Variants in ATN1 observed in about 807,000 individuals in gnomAD.
The protein encoded by ATN1 is atrophin 1.
Under a neutral mutation model 85.8 loss-of-function variants are expected in ATN1, and 19 were observed. The observed-to-expected ratio is 0.22, with a 90% CI of 0.15 to 0.32. The LOEUF (loss-of-function observed/expected upper bound fraction) is 0.32. Among genes scored for constraint, ATN1 ranks in the 10% least tolerant of loss-of-function variants. The pLI is 1.00. For synonymous variants in ATN1, 674 were observed against 657.0 expected (o/e 1.03, Z -0.39); for missense variants, 1,453 against 1,564.5 (o/e 0.93, Z 1.20).
At chr12:6,940,424 C>T (rs1158189081) in intron 7 of ATN1, among the ~76,000 whole-genome samples, 1 of 152,116 alleles carries the variant, frequency 6.6e-6, no homozygotes, top group Non-Finnish European at 1.5e-5. Context: ...TGCCACCCTG[C>T]CTGGCTAATT....
Position 6,938,984 on chromosome 12 carries a change from T to C in ATN1, c.3021T>C (p.Ala1007=). ...AGCGAGAACGTCTAGCGCTGGCAGCTGGGCCAGCCCTGCGGCCTGACATGT... is the reference window on the plus strand; with the variant it reads ...AGCGAGAACGTCTAGCGCTGGCAGCCGGGCCAGCCCTGCGGCCTGACATGT... The part of the protein sequence containing the change: ...PLERERLALA[A]GPALRPDMSY... The change falls in exon 7 of 10, where the codon GCT becomes GCC. Residue 1007 remains alanine, a synonymous_variant. Coordinates refer to ENST00000396684, the MANE Select transcript of ATN1 (RefSeq NM_001940.4). 1 of 1,613,262 alleles carries C rather than the reference T, an allele frequency of 6.2e-7. No homozygotes were observed. The highest frequency in any genetic ancestry group is 8.5e-7 in the Non-Finnish European group (1 of 1,179,982).
At chr12:6,928,414 C>G (rs1042698725) in intron 1 of ATN1, 30 bp downstream of exon 1, 144 of 151,664 alleles carry the variant, frequency 9.5e-4, no homozygotes, top group African/African-American at 3.3e-3. Context: ...GGGCCCCGGG[C>G]CCGCGGGGTT....
In ATN1 at chr12:6,934,343, T is replaced by A. The variant is rs369916951; in HGVS notation, c.165+30T>A. On this transcript the variant is annotated intron_variant, in intron 3 of 9. Transcript: ENST00000396684. The surrounding 1 kb of genome is among the most constrained non-coding windows in gnomAD (Gnocchi z 4.5). ...TCTGTCCTCAGGTCCTCCCACAGGATGCCCAAGGCACTGGGGCTGAGGGTG... is the reference window on the plus strand; with the variant it reads ...TCTGTCCTCAGGTCCTCCCACAGGAAGCCCAAGGCACTGGGGCTGAGGGTG... 6.9e-5 allele frequency: 109 copies of A among 1,571,532 alleles called. No individual in the cohort carries two copies. The highest frequency in any genetic ancestry group is 9.3e-5 in the Non-Finnish European group (108 of 1,162,490).
In ATN1 at chr12:6,938,476, C is replaced by T. The variant is rs1298508689; in HGVS notation, c.2518-5C>T. 3 of 1,599,342 alleles carry T rather than the reference C, an allele frequency of 1.9e-6. No homozygotes were observed. Among genetic ancestry groups the T allele is most frequent in the Non-Finnish European group, 2.6e-6 (3 of 1,168,966 alleles). ...TTTGACTCCACTTTTCCCTGTATCC[C>T]ACAGAAGTTGGCTCAGGAGGGCCGT... On this transcript the variant is annotated splice_polypyrimidine_tract_variant and splice_region_variant and intron_variant, in intron 6 of 9. Coordinates refer to ENST00000396684, the MANE Select transcript of ATN1 (RefSeq NM_001940.4).
chr12:6,936,778 A>G lies in ATN1; in HGVS notation c.1511A>G (p.His504Arg). ...CAGCAGCAGCAGCAGCAGCAGCATC[A>G]CGGAAACTCTGGGCCCCCTCCTCCT... Reference protein sequence around the residue: ...QQQQQQQQQHHGNSGPPPPGA... With the variant: ...QQQQQQQQQHRGNSGPPPPGA... The change falls in exon 5 of 10, where the codon CAC (histidine) becomes CGC (arginine). Residue 504 changes from histidine to arginine, a missense_variant. His to Arg is a conservative substitution (Grantham distance 29). This residue lies in a region of ATN1 where 990 missense variants were observed against 914.8 expected (regional missense o/e 1.08). Transcript: ENST00000396684. 1 of 1,611,574 alleles carries G rather than the reference A, an allele frequency of 6.2e-7. No homozygotes were observed. Among genetic ancestry groups the G allele is most frequent in the Non-Finnish European group, 8.5e-7 (1 of 1,178,778 alleles).
chr12:6,925,141 T>A (rs782720259), upstream of ATN1, among the ~76,000 whole-genome samples: 1,862 of 147,630 alleles, frequency 0.013, 38 homozygotes, highest in African/African-American at 0.04. Flanking sequence ...TGTGTGTGTG[T>A]GAGAGAGAGA....
At chr12:6,926,568 A>G (rs1333611047), upstream of ATN1, among the ~76,000 whole-genome samples, 3 of 150,956 alleles carry the variant, frequency 2.0e-5, no homozygotes, top group Non-Finnish European at 2.9e-5. Flanking sequence ...TTTGCCTCCC[A>G]GGTTCAAGGA....
chr12:6,939,054 G>C lies in ATN1; in HGVS notation c.3091G>C (p.Val1031Leu). 6.2e-7 allele frequency: 1 copy of C among 1,606,340 alleles called. No individual in the cohort carries two copies. ...LAAERQHAER[V>L]AALGNDPLAR... ...AGCTGAGAGGCAGCACGCAGAAAGGGTGGCGGCCCTGGGCAATGACCCACT... is the reference window on the plus strand; with the variant it reads ...AGCTGAGAGGCAGCACGCAGAAAGGCTGGCGGCCCTGGGCAATGACCCACT... Residue 1031 changes from valine (V) to leucine (L), a missense_variant, in exon 7 of 10, where the codon GTG (valine) becomes CTG (leucine). Coordinates refer to ENST00000396684, the MANE Select transcript of ATN1 (RefSeq NM_001940.4).
At chr12:6,927,665 C>A (rs1017618197), upstream of ATN1, among the ~76,000 whole-genome samples, 5 of 151,836 alleles carry the variant, frequency 3.3e-5, no homozygotes, top group Non-Finnish European at 5.9e-5. Flanking sequence ...TCTCTCCCCC[C>A]TCGCGGCTTG....
upstream of ATN1, among the ~76,000 whole-genome samples, chr12:6,927,582 C>T (rs1163859810): frequency 1.3e-5 from 2 of 151,034 alleles, no homozygotes; most frequent in Non-Finnish European, 3.0e-5. Context: ...ACGGCTAGCC[C>T]TCCCCGCGCC....
rs917240723 is a variant in ATN1, at chr12:6,942,163, C to T, written c.*383C>T. ...GCGTAGCATCGTGTGCCACCCCTGC[C>T]CCTCCCCGATCCCTGTGTGCGCGCC... is the stretch of plus-strand genomic sequence containing the variant. On this transcript the variant is annotated 3_prime_UTR_variant, in exon 10 of 10. Transcript: ENST00000396684. 2 of 281,276 alleles carry T rather than the reference C, an allele frequency of 7.1e-6. No homozygotes were observed. Among genetic ancestry groups the T allele is most frequent in the Non-Finnish European group, 1.4e-5 (2 of 144,242 alleles). The allele number at this position is 281,276 out of a possible 1,614,324, so 17.4% of individuals were successfully genotyped here.
rs1404079615 is a variant in ATN1 at position 6,941,170 on chromosome 12, T to C, written c.3358+147T>C. 8.0e-7 allele frequency: 1 copy of C among 1,254,830 alleles called. No individual in the cohort carries two copies. Among genetic ancestry groups the C allele is most frequent in the Non-Finnish European group, 1.1e-6 (1 of 922,314 alleles). 77.7% of individuals were successfully genotyped at this position (1,254,830 alleles called of 1,614,324 possible). A position where few individuals can be genotyped will look rare whatever the true frequency, so the allele number is the denominator to read the frequency against. On this transcript the variant is annotated intron_variant, in intron 8 of 9. Transcript: ENST00000396684. This position sits in a 1 kb window ranked among gnomAD's most constrained non-coding sequence, Gnocchi z 5.9. ...CATGGGAATAGGAGAGCTGGAGCTCTGCCCAAGAGAAGCACGAGTTTTAGT... is the reference window on the plus strand; with the variant it reads ...CATGGGAATAGGAGAGCTGGAGCTCCGCCCAAGAGAAGCACGAGTTTTAGT...
Position 6,937,395 on chromosome 12 carries a change from C to A in ATN1, c.2128C>A (p.Pro710Thr). 6.5e-7 allele frequency: 1 copy of A among 1,548,790 alleles called. No individual in the cohort carries two copies. The change falls in exon 5 of 10, where the codon CCA becomes ACA. Residue 710 changes from proline (P) to threonine (T), a missense_variant. Coordinates refer to ENST00000396684, the MANE Select transcript of ATN1 (RefSeq NM_001940.4). The surrounding 1 kb of genome is among the most constrained non-coding windows in gnomAD (Gnocchi z 6.0). ...AGPSGLPSLP[P>T]PPAAPASGPP... ...GCCCTCAGGCCTGCCATCGCTGCCA[C>A]CACCACCTGCGGCCCCTGCCTCAGG...
rs782639317 is a variant in ATN1 at position 6,938,621 on chromosome 12, C to G, written c.2658C>G (p.Leu886=). ...LGPDTPALRT[L]SEYARPHVMS... ...CTGACACTCCAGCCTTGCGCACTCT[C>G]AGTGAATATGCCCGGCCTCATGTCA... Residue 886 remains leucine (L), a synonymous_variant, in exon 7 of 10, where the codon CTC becomes CTG. Coordinates refer to ENST00000396684, the MANE Select transcript of ATN1 (RefSeq NM_001940.4). 1 of 1,614,222 alleles carries G rather than the reference C, an allele frequency of 6.2e-7. No homozygotes were observed. Among genetic ancestry groups the G allele is most frequent in the Non-Finnish European group, 8.5e-7 (1 of 1,180,036 alleles).
chr12:6,941,510 C>T lies in ATN1; in HGVS notation c.3495C>T (p.His1165=), dbSNP rs782043728. 6.2e-7 allele frequency: 1 copy of T among 1,612,756 alleles called. No homozygotes were observed. Among genetic ancestry groups the T allele is most frequent in the East Asian group, 2.2e-5 (1 of 44,886 alleles). The change falls in exon 9 of 10, where the codon CAC becomes CAT. Residue 1165 remains histidine, a synonymous_variant. Transcript: ENST00000396684. The surrounding 1 kb of genome is among the most constrained non-coding windows in gnomAD (Gnocchi z 5.9). ...AGCAGCAGTGGCTGCATGCCCATCA[C>T]CCGCTGCACAGTGTGCCGCTGCCTG... ...LEQQQWLHAH[H]PLHSVPLPAQ... is the part of the protein sequence containing the mutation.
rs1945628873 is a variant in ATN1 at position 6,941,098 on chromosome 12, C to T, written c.3358+75C>T. Reference sequence around the variant, plus strand: ...GGAGGTATTTGGGTGGGGGGATGGGCCTAGTTGGGCTTGGGGAGGGATGAG... The same window carrying T: ...GGAGGTATTTGGGTGGGGGGATGGGTCTAGTTGGGCTTGGGGAGGGATGAG... On this transcript the variant is annotated intron_variant, in intron 8 of 9. Transcript: ENST00000396684. The surrounding 1 kb of genome is among the most constrained non-coding windows in gnomAD (Gnocchi z 5.9). 12 of 1,557,094 alleles carry T rather than the reference C, an allele frequency of 7.7e-6. No individual in the cohort carries two copies. In the South Asian group the frequency reaches 1.4e-4, roughly 18 times the overall value.
Position 6,937,684 on chromosome 12 carries a change from T to C in ATN1, c.2294+123T>C. On this transcript the variant is annotated intron_variant, in intron 5 of 9. Transcript: ENST00000396684. The surrounding 1 kb of genome is among the most constrained non-coding windows in gnomAD (Gnocchi z 6.0). ...AGTGTTTTAGAAAAGCACGCCCCTC[T>C]CCTCCGTCCAGGCCTAGTGGCCAGT... 1.4e-6 allele frequency: 2 copies of C among 1,430,768 alleles called. No individual in the cohort carries two copies. The allele number at this position is 1,430,768 out of a possible 1,614,324, so 88.6% of individuals were successfully genotyped here.
At chr12:6,930,488 T>C (rs762754692) in intron 1 of ATN1, among the ~76,000 whole-genome samples, 1 of 152,176 alleles carries the variant, frequency 6.6e-6, no homozygotes, top group Non-Finnish European at 1.5e-5. Context: ...CTGGTCTTAA[T>C]CATTTTCTTT....
intron 7 of ATN1, among the ~76,000 whole-genome samples, chr12:6,939,939 G>C (rs781807829): frequency 3.9e-4 from 60 of 152,346 alleles, no homozygotes; most frequent in African/African-American, 1.4e-3. Context: ...GTAGCTTTGG[G>C]TTTGGGTGTC....
Sources: gnomAD v4.1 joint callset for allele counts (sites outside exome capture counted in the v4.1 genomes callset) on GRCh38, gnomAD v4.1.1 for gene constraint, gnomAD v4.1.1 regional missense constraint, Gnocchi (gnomAD v3.1) non-coding constraint, MANE v1.5 for transcripts, NCBI Gene and HGNC (gene_info 2026-07-23, HGNC 2026-07-21) for gene names.